NBAS: variants seen among roughly 807,000 people sequenced by gnomAD.
NBAS encodes NBAS subunit of NRZ tethering complex.
Under a neutral mutation model 302.5 loss-of-function variants are expected in NBAS, and 219 were observed. The observed-to-expected ratio is 0.72, with a 90% CI of 0.65 to 0.81. NBAS has a LOEUF of 0.81. Among genes scored for constraint, NBAS ranks in the 30% least tolerant of loss-of-function variants. The pLI, the probability that NBAS is intolerant of heterozygous loss-of-function variation, is 0.00. For synonymous variants in NBAS, 1,118 were observed against 1,021.6 expected (o/e 1.09, Z -1.80); for missense variants, 2,932 against 2,841.6 (o/e 1.03, Z -0.72).
At chr2:15,165,187 G>A (rs1663984336), downstream of NBAS, among the ~76,000 whole-genome samples, 2 of 152,226 alleles carry the variant, frequency 1.3e-5, no homozygotes, top group Non-Finnish European at 2.9e-5. Flanking sequence ...AAATGATGCA[G>A]GCTAGCTGCA....
At chr2:15,059,822 T>G in the NBAS span, among the ~76,000 whole-genome samples, 13 of 152,052 alleles carry the variant, frequency 8.5e-5, 1 homozygote, top group African/African-American at 3.1e-4. Flanking sequence ...AGAGGAGATT[T>G]CAGCTCAGCA....
At chr2:15,021,663 G>GA in the NBAS span, among the ~76,000 whole-genome samples, 117,951 of 151,932 alleles carry the variant, frequency 0.78, 46,468 homozygotes, top group East Asian at 1. Flanking sequence ...CTTCTTGGAA[G>GA]AGCAGATTTG....
chr2:15,427,608 T>C, intron 22 of NBAS, 103 bp downstream of exon 22: 2 of 916,418 alleles, frequency 2.2e-6, no homozygotes, highest in Middle Eastern at 2.2e-4. Flanking sequence ...AATTAGGGAG[T>C]GTCATCAAGT....
chr2:15,488,910 C>T lies in NBAS; in HGVS notation c.1067G>A (p.Trp356Ter). The part of the protein sequence containing the change: ...AIPSLKQQGE[W>*]GQNEQPGYDD... The stretch of plus-strand genomic sequence containing the variant: ...GAGACGCACCTGCTCATTTTGACCC[C>T]ATTCCCCTTGTTGCTTCAGAGATGG... Residue 356 changes from tryptophan (W) to a stop codon, truncating the protein, a stop_gained, in exon 12 of 52, where the codon TGG becomes TAG. Coordinates refer to ENST00000281513, the MANE Select transcript of NBAS (RefSeq NM_015909.4). LOFTEE classifies it high-confidence loss of function. 2 of 1,613,794 alleles carry T rather than the reference C, an allele frequency of 1.2e-6. No homozygotes were observed. The highest frequency in any genetic ancestry group is 2.2e-5 in the East Asian group (1 of 44,848).
chr2:15,029,942 T>C, the NBAS span, among the ~76,000 whole-genome samples: 1 of 152,214 alleles, frequency 6.6e-6, no homozygotes. Flanking sequence ...TGCAGTGTTT[T>C]CTCAAATAAG....
chr2:15,262,853 A>T (rs1668911832), intron 44 of NBAS, among the ~76,000 whole-genome samples: 1 of 152,218 alleles, frequency 6.6e-6, no homozygotes, highest in Non-Finnish European at 1.5e-5. Context: ...TGGACAAAAA[A>T]TGGTTCTATA....
chr2:15,375,404 T>A (rs1674686227), intron 30 of NBAS, among the ~76,000 whole-genome samples: 1 of 152,172 alleles, frequency 6.6e-6, no homozygotes, highest in African/African-American at 2.4e-5. Context: ...CATTGGAATG[T>A]AAGATTAGAA....
intron 10 of NBAS, among the ~76,000 whole-genome samples, chr2:15,508,657 A>G: frequency 6.6e-6 from 1 of 152,204 alleles, no homozygotes; most frequent in South Asian, 2.1e-4. Flanking sequence ...GTGTCTATGT[A>G]TACAGACACA....
chr2:14,939,257 C>CT, the NBAS span, among the ~76,000 whole-genome samples: 2 of 152,248 alleles, frequency 1.3e-5, no homozygotes, highest in Admixed American at 1.3e-4. Flanking sequence ...CATGTAGCTT[C>CT]TGTTCCTTTT....
the NBAS span, among the ~76,000 whole-genome samples, chr2:15,002,250 T>C: frequency 1.3e-5 from 2 of 151,980 alleles, no homozygotes; most frequent in Non-Finnish European, 2.9e-5. Flanking sequence ...GCCTGCCGAT[T>C]GGTGTATTTA....
At chr2:15,427,659 G>T in intron 22 of NBAS, 52 bp downstream of exon 22, 1 of 1,435,538 alleles carries the variant, frequency 7.0e-7, no homozygotes, top group Non-Finnish European at 9.7e-7. Flanking sequence ...AGGGCCATCA[G>T]TTCACCCATC....
the NBAS span, among the ~76,000 whole-genome samples, chr2:14,872,890 G>C: frequency 3.3e-5 from 5 of 152,218 alleles, no homozygotes; most frequent in Admixed American, 3.3e-4. Flanking sequence ...TGTTCCTCCC[G>C]GTGGGTTTGT....
At chr2:15,525,095 AC>A (rs1262210826) in intron 9 of NBAS, among the ~76,000 whole-genome samples, 1 of 152,180 alleles carries the variant, frequency 6.6e-6, no homozygotes, top group Non-Finnish European at 1.5e-5. Flanking sequence ...GATTTAAATG[AC>A]CGTCCAGTTT....
At chr2:14,960,722 G>C in the NBAS span, among the ~76,000 whole-genome samples, 1 of 152,116 alleles carries the variant, frequency 6.6e-6, no homozygotes, top group African/African-American at 2.4e-5. Context: ...AAATAAGGTA[G>C]GTCTAAATGC....
At chr2:15,467,643 G>T in intron 18 of NBAS, 21 bp downstream of exon 18, 1 of 1,603,342 alleles carries the variant, frequency 6.2e-7, no homozygotes, top group Non-Finnish European at 8.5e-7. Flanking sequence ...ACTATCAAAT[G>T]AACAGTAACA....
the NBAS span, among the ~76,000 whole-genome samples, chr2:14,815,966 C>G: frequency 6.6e-6 from 1 of 152,176 alleles, no homozygotes; most frequent in Non-Finnish European, 1.5e-5. Context: ...TCTAGCCCCC[C>G]TTTTTCTCTT....
intron 25 of NBAS, among the ~76,000 whole-genome samples, chr2:15,412,923 C>T (rs939381447): frequency 5.9e-5 from 9 of 152,276 alleles, no homozygotes; most frequent in African/African-American, 2.2e-4. Context: ...CTATCCCAAG[C>T]CCAATCCAAA....
At chr2:15,460,546 G>A (rs1679459648) in intron 21 of NBAS, among the ~76,000 whole-genome samples, 1 of 152,170 alleles carries the variant, frequency 6.6e-6, no homozygotes, top group Admixed American at 6.5e-5. Context: ...CAAATGGTCT[G>A]TTTTTGAGCT....
chr2:14,861,075 T>C, the NBAS span, among the ~76,000 whole-genome samples: 1 of 152,232 alleles, frequency 6.6e-6, no homozygotes, highest in African/African-American at 2.4e-5. Flanking sequence ...ATCTAAATGA[T>C]GCTTATGTGA....
Sources: gnomAD v4.1 joint callset for allele counts (sites outside exome capture counted in the v4.1 genomes callset) on GRCh38, gnomAD v4.1.1 for gene constraint, MANE v1.5 for transcripts, NCBI Gene and HGNC (gene_info 2026-07-23, HGNC 2026-07-21) for gene names.